Variants in GULP1 observed in about 807,000 individuals in gnomAD.
The protein encoded by GULP1 is GULP PTB domain containing engulfment adaptor 1.
In GULP1, 19 loss-of-function variants were observed where a neutral mutation model predicts 40.9. The ratio of observed to expected loss-of-function variants is 0.46; its 90% CI spans 0.32 to 0.68. The LOEUF (loss-of-function observed/expected upper bound fraction) is 0.68. Among genes scored for constraint, GULP1 ranks in the 30% least tolerant of loss-of-function variants. The probability of loss-of-function intolerance (pLI) is 0.03; values close to 1 mark genes in which losing one functional copy is unlikely to be tolerated. For missense variants in GULP1, 312 were observed against 362.2 expected, an observed-to-expected ratio of 0.86 and a Z score of 1.12; for synonymous variants, 119 against 117.6, an observed-to-expected ratio of 1.01 and a Z score of -0.08.
chr2:188,304,965 ATTATCT>A (rs1366600113), intron 1 of GULP1, among the ~76,000 whole-genome samples: 1 of 152,090 alleles, frequency 6.6e-6, no homozygotes, highest in Non-Finnish European at 1.5e-5. Flanking sequence ...CAATTCTGAC[ATTATCT>A]CTCTGGAGAT....
intron 2 of GULP1, among the ~76,000 whole-genome samples, chr2:188,397,757 G>A (rs2051493916): frequency 6.6e-6 from 1 of 152,128 alleles, no homozygotes; most frequent in Non-Finnish European, 1.5e-5. Context: ...AGCCCAACTG[G>A]GGCTGAAGAG....
chr2:188,478,858 G>C (rs1297361353), intron 3 of GULP1, among the ~76,000 whole-genome samples: 1 of 152,062 alleles, frequency 6.6e-6, no homozygotes, highest in Non-Finnish European at 1.5e-5. Flanking sequence ...AGGCAGTTGG[G>C]CACTGGGTGT....
chr2:188,563,545 A>AT lies in GULP1; in HGVS notation c.400-5686dup, dbSNP rs555444563. Among the ~76,000 whole-genome samples the AT allele has an allele frequency of 1.1e-4, 16 of 149,342 alleles. No homozygotes were observed. In the South Asian group the frequency reaches 1.5e-3, roughly 14 times the overall value. On this transcript the variant is annotated intron_variant, in intron 7 of 11. Transcript: ENST00000409830. Reference sequence around the variant, plus strand: ...TATATTTATATTTTTAAAAAATTATATTTTTTTTATCTTTTTTTTATATTT... The same window carrying AT: ...TATATTTATATTTTTAAAAAATTATATTTTTTTTTATCTTTTTTTTATATTT...
chr2:188,300,775 G>C (rs1264769063), intron 1 of GULP1, among the ~76,000 whole-genome samples: 1 of 152,094 alleles, frequency 6.6e-6, no homozygotes, highest in Non-Finnish European at 1.5e-5. Context: ...AATATATAGA[G>C]CTTCACATTT....
At chr2:188,465,969 A>G (rs545046305) in intron 2 of GULP1, among the ~76,000 whole-genome samples, 2,738 of 148,910 alleles carry the variant, frequency 0.018, 72 homozygotes, top group African/African-American at 0.063. Flanking sequence ...GTGTGTGTGT[A>G]TATGTGTGTG....
intron 1 of GULP1, among the ~76,000 whole-genome samples, chr2:188,383,253 A>G (rs1005153700): frequency 2.6e-5 from 4 of 152,336 alleles, no homozygotes; most frequent in Admixed American, 1.3e-4. Flanking sequence ...ACCAATTAAC[A>G]TATCTCTTCT....
At chr2:188,415,952 C>T (rs983949365) in intron 2 of GULP1, among the ~76,000 whole-genome samples, 1 of 152,128 alleles carries the variant, frequency 6.6e-6, no homozygotes, top group African/African-American at 2.4e-5. Context: ...TGACAAAGCT[C>T]CTTTCTGCAA....
chr2:188,554,687 G>C (rs1428335912), intron 7 of GULP1, among the ~76,000 whole-genome samples: 3 of 151,796 alleles, frequency 2.0e-5, no homozygotes, highest in Non-Finnish European at 4.4e-5. Context: ...GTTTAAATTT[G>C]GAGGTTTTTG....
chr2:188,486,901 T>TA (rs1326432927), intron 4 of GULP1, among the ~76,000 whole-genome samples: 1 of 151,804 alleles, frequency 6.6e-6, no homozygotes, highest in African/African-American at 2.4e-5. Context: ...CATAGGGACA[T>TA]ATATTTAGAG....
At chr2:188,533,161 A>G (rs1688010020) in intron 6 of GULP1, among the ~76,000 whole-genome samples, 1 of 152,152 alleles carries the variant, frequency 6.6e-6, no homozygotes, top group Non-Finnish European at 1.5e-5. Flanking sequence ...ATTAACTTTA[A>G]ATATTTGTAA....
intron 7 of GULP1, among the ~76,000 whole-genome samples, chr2:188,551,746 T>C (rs1368664301): frequency 6.6e-6 from 1 of 151,758 alleles, no homozygotes; most frequent in Non-Finnish European, 1.5e-5. Flanking sequence ...TTTTGAAATC[T>C]TCATACTGTT....
At chr2:188,527,211 GA>G (rs913190528) in intron 5 of GULP1, among the ~76,000 whole-genome samples, 2 of 152,006 alleles carry the variant, frequency 1.3e-5, no homozygotes, top group Non-Finnish European at 2.9e-5. Flanking sequence ...GTTTCAGGGG[GA>G]AAAAATTTAA....
intron 1 of GULP1, among the ~76,000 whole-genome samples, chr2:188,309,645 C>G (rs902141626): frequency 6.6e-6 from 1 of 151,948 alleles, no homozygotes; most frequent in Non-Finnish European, 1.5e-5. Flanking sequence ...GAAGAGTATC[C>G]CATAGCTTGT....
At chr2:188,329,349 C>G (rs1242241889) in intron 1 of GULP1, among the ~76,000 whole-genome samples, 1 of 152,052 alleles carries the variant, frequency 6.6e-6, no homozygotes, top group Non-Finnish European at 1.5e-5. Flanking sequence ...GGGATCCTGA[C>G]TGATAAGGAT....
chr2:188,517,118 A>AT (rs776231149), intron 4 of GULP1, among the ~76,000 whole-genome samples: 5 of 151,122 alleles, frequency 3.3e-5, no homozygotes, highest in Non-Finnish European at 5.9e-5. Flanking sequence ...ATAAAACATT[A>AT]TTTTTTTTTA....
chr2:188,533,296 C>T (rs1426330280), intron 6 of GULP1, among the ~76,000 whole-genome samples: 1 of 151,826 alleles, frequency 6.6e-6, no homozygotes, highest in East Asian at 1.9e-4. Context: ...GGTACAGCAA[C>T]AGTAGAGAAT....
chr2:188,425,934 AT>A (rs1175091877), intron 2 of GULP1, among the ~76,000 whole-genome samples: 2 of 152,000 alleles, frequency 1.3e-5, no homozygotes, highest in Non-Finnish European at 2.9e-5. Flanking sequence ...TTTTAATTTA[AT>A]TTTTTACATT....
intron 9 of GULP1, among the ~76,000 whole-genome samples, chr2:188,580,976 G>C (rs1174237393): frequency 6.6e-6 from 1 of 152,154 alleles, no homozygotes; most frequent in Admixed American, 6.5e-5. Flanking sequence ...CAAAGGCTTT[G>C]CCTGGCACAC....
Position 188,407,194 on chromosome 2 carries a change from A to G in GULP1, c.-45+23305A>G, listed in dbSNP as rs148799586. ...AATGAAAGAGAGATAAATACTTTTC[A>G]GGACAAACAAAAGCTGAGGGAGTTC... On this transcript the variant is annotated intron_variant, in intron 2 of 11. Coordinates refer to ENST00000409830, the MANE Select transcript of GULP1 (RefSeq NM_016315.4). Among the ~76,000 whole-genome samples the G allele has an allele frequency of 3.1e-3, 468 of 152,330 alleles. 2 individuals are homozygous for G. The highest frequency in any genetic ancestry group is 6.6e-3 in the African/African-American group (273 of 41,578).
Sources: gnomAD v4.1 joint callset for allele counts (sites outside exome capture counted in the v4.1 genomes callset) on GRCh38, gnomAD v4.1.1 for gene constraint, MANE v1.5 for transcripts, NCBI Gene and HGNC (gene_info 2026-07-23, HGNC 2026-07-21) for gene names.